USP34: variants seen among roughly 807,000 people sequenced by gnomAD.
The protein encoded by USP34 is ubiquitin specific peptidase 34, also known as ubiquitin carboxyl-terminal hydrolase 34.
USP34 carries 70 observed loss-of-function variants against 460.3 expected under a neutral mutation model. That is an observed-to-expected ratio of 0.15 (90% confidence interval 0.13 to 0.19). The LOEUF is 0.19. USP34 is among the 10% of genes least tolerant of loss of function. The probability of loss-of-function intolerance (pLI) is 1.00; values close to 1 mark genes in which losing one functional copy is unlikely to be tolerated. For synonymous variants in USP34, 1,647 were observed against 1,405.3 expected (o/e 1.17, Z -3.85); for missense variants, 3,985 against 4,236.2 (o/e 0.94, Z 1.65).
intron 10 of USP34, among the ~76,000 whole-genome samples, chr2:61,353,675 C>G (rs1278786099): frequency 1.3e-5 from 2 of 151,920 alleles, no homozygotes; most frequent in Non-Finnish European, 2.9e-5. Flanking sequence ...AAGTGATCCA[C>G]CTGCCTCGGC....
chr2:61,448,153 C>T (rs1695171310), intron 1 of USP34, among the ~76,000 whole-genome samples: 1 of 152,232 alleles, frequency 6.6e-6, no homozygotes, highest in South Asian at 2.1e-4. Flanking sequence ...CACTTTTGCA[C>T]TATCAATGAA....
At chr2:61,327,006 T>TA (rs1281666863) in intron 20 of USP34, among the ~76,000 whole-genome samples, 3 of 151,756 alleles carry the variant, frequency 2.0e-5, no homozygotes. Flanking sequence ...AGCTGGTCTC[T>TA]AACTCCTGAC....
intron 2 of USP34, among the ~76,000 whole-genome samples, chr2:61,410,596 A>G (rs1694008691): frequency 6.6e-6 from 1 of 152,142 alleles, no homozygotes; most frequent in Non-Finnish European, 1.5e-5. Context: ...TATCACTTTC[A>G]GTCAAAACCA....
Position 61,406,033 on chromosome 2 carries a change from A to C in USP34, c.227T>G (p.Val76Gly). ...LINLVIAQVQ[V>G]LRDQLCKHCT... Reference sequence around the variant, plus strand: ...ATGTTTACAAAGCTGGTCCCGGAGCACTTGAACTTGGGCAATCACTAAGTT... The same window carrying C: ...ATGTTTACAAAGCTGGTCCCGGAGCCCTTGAACTTGGGCAATCACTAAGTT... Residue 76 changes from valine to glycine, a missense_variant, in exon 3 of 80, where the codon GTG becomes GGG. Physicochemically the swap from Val to Gly is moderately radical, Grantham distance 109. This residue lies in a region of USP34 where 331 missense variants were observed against 293.7 expected (regional missense o/e 1.13). Coordinates refer to ENST00000398571, the MANE Select transcript of USP34 (RefSeq NM_014709.4). 6.2e-7 allele frequency: 1 copy of C among 1,613,886 alleles called. No homozygotes were observed. Among genetic ancestry groups the C allele is most frequent in the Non-Finnish European group, 8.5e-7 (1 of 1,179,978 alleles).
chr2:61,434,768 AG>A lies in USP34; in HGVS notation c.44-13936del, dbSNP rs36007708. ...ATAAAATTTACTCCATAAAATTGAAAGGGGGGGGGTTCCAACAATGTGTAGA... is the reference window on the plus strand; with the variant it reads ...ATAAAATTTACTCCATAAAATTGAAAGGGGGGGGTTCCAACAATGTGTAGA... On this transcript the variant is annotated intron_variant, in intron 1 of 79. Transcript: ENST00000398571. 3.2e-3 allele frequency among the ~76,000 whole-genome samples: 477 copies of A among 149,628 alleles called. 2 individuals carry two copies. The highest frequency in any genetic ancestry group is 6.4e-3 in the African/African-American group (261 of 40,814).
intron 35 of USP34, 26 bp from the exon 36 acceptor site, chr2:61,283,475 C>A (rs758007969): frequency 1.3e-6 from 2 of 1,598,554 alleles, no homozygotes; most frequent in East Asian, 2.2e-5. Context: ...ACCACCACCA[C>A]CAATTAAATT....
chr2:61,339,054 G>A (rs1691510895), intron 18 of USP34, among the ~76,000 whole-genome samples: 1 of 152,116 alleles, frequency 6.6e-6, no homozygotes, highest in Non-Finnish European at 1.5e-5. Context: ...TTTGAAAACA[G>A]AGTAATCACC....
intron 5 of USP34, among the ~76,000 whole-genome samples, chr2:61,393,368 T>C (rs1211337310): frequency 6.6e-6 from 1 of 150,384 alleles, no homozygotes; most frequent in Non-Finnish European, 1.5e-5. Context: ...GAGACGGAGG[T>C]TGCAGTGAGC....
chr2:61,431,901 G>C (rs930036055), intron 1 of USP34, among the ~76,000 whole-genome samples: 1 of 151,978 alleles, frequency 6.6e-6, no homozygotes, highest in African/African-American at 2.4e-5. Context: ...AGAGGATTTT[G>C]AATGTTCCCA....
intron 53 of USP34, among the ~76,000 whole-genome samples, chr2:61,237,991 G>A (rs1490813078): frequency 6.6e-6 from 1 of 151,698 alleles, no homozygotes; most frequent in East Asian, 1.9e-4. Flanking sequence ...CCACCTCCAG[G>A]TTCAAGCGAT....
At chr2:61,420,261 T>C (rs1694317946) in intron 2 of USP34, among the ~76,000 whole-genome samples, 1 of 152,204 alleles carries the variant, frequency 6.6e-6, no homozygotes, top group South Asian at 2.1e-4. Flanking sequence ...ACAGGAATCC[T>C]TTTTATAAAC....
rs544632241 is a variant in USP34, at chr2:61,454,669, C to G, written c.43+15981G>C. On this transcript the variant is annotated intron_variant, in intron 1 of 79. Transcript: ENST00000398571. ...AGTTCAAGTGATTCTCCTGCCTCAG[C>G]CTCCCGAGTAGCCAAGATTACAGGG... Among the ~76,000 whole-genome samples the G allele has an allele frequency of 1.4e-4, 22 of 152,118 alleles. 1 individual carries two copies. The South Asian group carries it at 4.6e-3, about 32-fold the overall frequency.
intron 66 of USP34, among the ~76,000 whole-genome samples, 178 bp from the exon 67 acceptor site, chr2:61,220,635 G>C (rs1261233504): frequency 6.6e-6 from 1 of 151,988 alleles, no homozygotes; most frequent in Non-Finnish European, 1.5e-5. Context: ...TTTATCAACA[G>C]GAAGTGTTCA....
Position 61,214,712 on chromosome 2 carries a change from A to G in USP34, c.8048-18T>C, listed in dbSNP as rs771386034. ...AGCTGCAGCTATAAAATGTAAAACA[A>G]AACTGTCAGATCCTTGTAAGATATA... On this transcript the variant is annotated intron_variant, in intron 67 of 79. Coordinates refer to ENST00000398571, the MANE Select transcript of USP34 (RefSeq NM_014709.4). The G allele has an allele frequency of 8.7e-6, 14 of 1,611,786 alleles. No individual in the cohort carries two copies. In the East Asian group the frequency reaches 3.1e-4, roughly 36 times the overall value.
In USP34 at chr2:61,295,242, G is replaced by T. The variant is rs771429597; in HGVS notation, c.4303C>A (p.His1435Asn). The T allele has an allele frequency of 1.4e-5, 22 of 1,608,500 alleles. No individual in the cohort carries two copies. The highest frequency in any genetic ancestry group is 1.9e-5 in the Non-Finnish European group (22 of 1,177,856). ...WKELLKIKSA[H>N]KLLYALEIIE... ...ATTTCCAGAGCATACAATAGCTTGT[G>T]GGCGCTCTTAATTTTGAGAAGTTCT... Residue 1435 changes from histidine to asparagine, a missense_variant, in exon 31 of 80, where the codon CAC becomes AAC. Coordinates refer to ENST00000398571, the MANE Select transcript of USP34 (RefSeq NM_014709.4).
At chr2:61,463,174 A>C (rs979257429) in intron 1 of USP34, among the ~76,000 whole-genome samples, 1 of 152,134 alleles carries the variant, frequency 6.6e-6, no homozygotes, top group African/African-American at 2.4e-5. Context: ...GCAGAATAAC[A>C]GTATTAAGAA....
intron 70 of USP34, 139 bp from the exon 71 acceptor site, chr2:61,207,025 C>A: frequency 1.2e-6 from 1 of 848,890 alleles, no homozygotes; most frequent in Non-Finnish European, 1.7e-6. Flanking sequence ...AACGTATTTG[C>A]TTTCTATCCT....
intron 62 of USP34, 22 bp downstream of exon 62, chr2:61,227,045 T>C (rs749428203): frequency 1.0e-5 from 16 of 1,576,652 alleles, no homozygotes; most frequent in South Asian, 5.9e-5. Context: ...GCTTTAAACA[T>C]TTTAAATTCG....
chr2:61,348,120 T>C lies in USP34; in HGVS notation c.2035A>G (p.Thr679Ala). The change falls in exon 15 of 80, where the codon ACT becomes GCT. Residue 679 changes from threonine to alanine, a missense_variant. Around this residue, in one of 14 missense-constraint regions of USP34, gnomAD observed 716 missense variants for 626.2 expected, o/e 1.14. Coordinates refer to ENST00000398571, the MANE Select transcript of USP34 (RefSeq NM_014709.4). ...SGTGKDLVFN[T>A]ESLPSVDNRM... ...TTATCTACTGATGGCAATGATTCAG[T>C]GTTAAAAACCAGGTCCTTTCCTGTT... 1.2e-6 allele frequency: 2 copies of C among 1,614,210 alleles called. No homozygotes were observed. The highest frequency in any genetic ancestry group is 1.7e-6 in the Non-Finnish European group (2 of 1,180,032).
Sources: gnomAD v4.1 joint callset for allele counts (sites outside exome capture counted in the v4.1 genomes callset) on GRCh38, gnomAD v4.1.1 for gene constraint, gnomAD v4.1.1 regional missense constraint, MANE v1.5 for transcripts, NCBI Gene and HGNC (gene_info 2026-07-23, HGNC 2026-07-21) for gene names.